Variants in ARHGEF3 observed in about 807,000 individuals in gnomAD.
ARHGEF3 encodes Rho guanine nucleotide exchange factor 3.
In ARHGEF3, 28 loss-of-function variants were observed where a neutral mutation model predicts 63.2. The observed-to-expected ratio is 0.44, with a 90% CI of 0.33 to 0.61. ARHGEF3 has a LOEUF of 0.61. Among genes scored for constraint, ARHGEF3 ranks in the 20% least tolerant of loss-of-function variants. The pLI, the probability that ARHGEF3 is intolerant of heterozygous loss-of-function variation, is 0.03. For synonymous variants in ARHGEF3, 266 were observed against 254.2 expected (o/e 1.05, Z -0.44); for missense variants, 533 against 659.3 (o/e 0.81, Z 2.10).
chr3:56,737,462 C>A, intron 7 of ARHGEF3, 107 bp from the exon 8 acceptor site: 1 of 794,106 alleles, frequency 1.3e-6, no homozygotes, highest in Non-Finnish European at 1.9e-6. Flanking sequence ...CTGGATCTAA[C>A]TCTGTTATCT....
chr3:56,941,053 G>A (rs2291976), intron 3 of ARHGEF3: 17,547 of 152,332 alleles, frequency 0.12, 1,275 homozygotes, highest in East Asian at 0.25. Context: ...CCCCAAGGGC[G>A]CATGGAAGTA....
At chr3:56,856,076 G>T (rs2039869287) in intron 4 of ARHGEF3, among the ~76,000 whole-genome samples, 1 of 152,202 alleles carries the variant, frequency 6.6e-6, no homozygotes, top group African/African-American at 2.4e-5. Flanking sequence ...AGAGGAGGAA[G>T]ATGTGGGGCC....
intron 2 of ARHGEF3, among the ~76,000 whole-genome samples, chr3:57,031,473 C>G (rs1378290757): frequency 6.6e-6 from 1 of 152,226 alleles, no homozygotes; most frequent in Non-Finnish European, 1.5e-5. Flanking sequence ...CAATGACCCA[C>G]TGTGGGAGAT....
chr3:56,957,677 T>C (rs190070089), intron 3 of ARHGEF3, among the ~76,000 whole-genome samples: 23 of 152,262 alleles, frequency 1.5e-4, no homozygotes, highest in Admixed American at 8.5e-4. Flanking sequence ...GGGGTGGTCA[T>C]GAGGGCTTCT....
At chr3:56,846,125 T>A (rs2039480931) in intron 4 of ARHGEF3, among the ~76,000 whole-genome samples, 1 of 152,226 alleles carries the variant, frequency 6.6e-6, no homozygotes. Flanking sequence ...TATAGAGTAA[T>A]GTTTAACATG....
At chr3:56,921,088 A>G (rs1360313789) in intron 3 of ARHGEF3, among the ~76,000 whole-genome samples, 1 of 145,858 alleles carries the variant, frequency 6.9e-6, no homozygotes, top group Non-Finnish European at 1.5e-5. Flanking sequence ...CTCATGGGCC[A>G]GTGCAGTGGC....
At chr3:56,766,739 T>C (rs115515655) in intron 2 of ARHGEF3, among the ~76,000 whole-genome samples, 2,958 of 151,942 alleles carry the variant, frequency 0.019, 48 homozygotes, top group Non-Finnish European at 0.028. Context: ...TAGATTTAGA[T>C]GTGAAAACAG....
At chr3:56,997,979 C>T (rs1040522862) in intron 2 of ARHGEF3, among the ~76,000 whole-genome samples, 1 of 152,206 alleles carries the variant, frequency 6.6e-6, no homozygotes, top group Non-Finnish European at 1.5e-5. Flanking sequence ...GTTTCCTCAT[C>T]TGCAAAATGA....
At chr3:56,826,913 C>A (rs2038733466) in intron 4 of ARHGEF3, among the ~76,000 whole-genome samples, 2 of 152,128 alleles carry the variant, frequency 1.3e-5, no homozygotes, top group Admixed American at 1.3e-4. Context: ...TATTTGAGTG[C>A]TTTAAAAAGT....
intron 1 of ARHGEF3, among the ~76,000 whole-genome samples, chr3:56,780,780 G>T (rs1056048596): frequency 1.3e-5 from 2 of 152,122 alleles, no homozygotes; most frequent in African/African-American, 2.4e-5. Flanking sequence ...TTTTTGGCAA[G>T]AAAAAACACA....
intron 2 of ARHGEF3, among the ~76,000 whole-genome samples, chr3:56,994,525 GCCCTCTTGGAAAAGGGATTTCCCTTTT>G (rs1560115688): frequency 6.6e-6 from 1 of 151,962 alleles, no homozygotes; most frequent in Non-Finnish European, 1.5e-5. Flanking sequence ...AGTTTCAACA[GCCCTCTTGGAAAAGGGATTTCCCTTTT>G]CCCTCTTGGA....
chr3:57,024,205 T>C (rs1703376730), intron 2 of ARHGEF3, among the ~76,000 whole-genome samples: 1 of 151,870 alleles, frequency 6.6e-6, no homozygotes, highest in Non-Finnish European at 1.5e-5. Flanking sequence ...TCTTCTTTCC[T>C]GCCTAATGTT....
At chr3:56,986,811 A>AG (rs1397721377) in intron 2 of ARHGEF3, among the ~76,000 whole-genome samples, 1 of 90,626 alleles carries the variant, frequency 1.1e-5, no homozygotes, top group African/African-American at 3.8e-5. Flanking sequence ...CGAATTTTGA[A>AG]AAAAAAAAAG....
In ARHGEF3 at chr3:56,974,678, C is replaced by T. The variant is rs148200750; in HGVS notation, c.63-15789G>A. Among the ~76,000 whole-genome samples the T allele has an allele frequency of 2.6e-5, 4 of 152,272 alleles. No homozygotes were observed. The East Asian group carries it at 7.7e-4, about 29-fold the overall frequency. On this transcript the variant is annotated intron_variant, in intron 2 of 12. Coordinates refer to the ARHGEF3 transcript ENST00000338458. ...TCTCCCTCTCCCCTCCCCCTGCCCC[C>T]CACATCCATCTGAATCATCGCACGT...
chr3:56,952,617 A>G (rs1699863253), intron 3 of ARHGEF3, among the ~76,000 whole-genome samples: 2 of 152,198 alleles, frequency 1.3e-5, no homozygotes, highest in African/African-American at 2.4e-5. Flanking sequence ...CCACCTCTTA[A>G]GATTTTTCTG....
chr3:57,056,665 C>T (rs1281924394), intron 1 of ARHGEF3, among the ~76,000 whole-genome samples: 1 of 152,020 alleles, frequency 6.6e-6, no homozygotes, highest in East Asian at 1.9e-4. Context: ...TAAGCAGAAT[C>T]GGTTATCGTT....
intron 2 of ARHGEF3, among the ~76,000 whole-genome samples, chr3:56,999,280 A>G (rs1454803492): frequency 6.6e-6 from 1 of 152,050 alleles, no homozygotes; most frequent in East Asian, 1.9e-4. Flanking sequence ...CGAACTACTT[A>G]CCTCAAGTGA....
At chr3:57,023,715 C>CT (rs1282453858) in intron 2 of ARHGEF3, among the ~76,000 whole-genome samples, 1 of 152,220 alleles carries the variant, frequency 6.6e-6, no homozygotes, top group Admixed American at 6.5e-5. Flanking sequence ...CACACTGCCC[C>CT]TTCCACATGG....
At chr3:56,758,442 T>C (rs112540551) in intron 2 of ARHGEF3, among the ~76,000 whole-genome samples, 7 of 151,760 alleles carry the variant, frequency 4.6e-5, no homozygotes, top group Non-Finnish European at 2.9e-5. Flanking sequence ...ATTAAAAAAA[T>C]ATATATAGAT....
Sources: gnomAD v4.1 joint callset for allele counts (sites outside exome capture counted in the v4.1 genomes callset) on GRCh38, gnomAD v4.1.1 for gene constraint, MANE v1.5 for transcripts, NCBI Gene and HGNC (gene_info 2026-07-23, HGNC 2026-07-21) for gene names.